RAB3C: variants seen among roughly 807,000 people sequenced by gnomAD.
RAB3C encodes RAB3C, member RAS oncogene family.
A neutral mutation model predicts 26.4 loss-of-function variants in RAB3C; 17 were observed. The ratio of observed to expected loss-of-function variants is 0.64; its 90% CI spans 0.44 to 0.97. RAB3C has a LOEUF of 0.97. Ranked by LOEUF, RAB3C falls within the 50% of genes least tolerant of loss-of-function variation. RAB3C has a pLI of 0.00. For missense variants in RAB3C, 242 were observed against 281.9 expected (o/e 0.86, Z 1.01); for synonymous variants, 91 against 95.9 (o/e 0.95, Z 0.30).
chr5:58,749,888 A>G (rs1741484735), intron 3 of RAB3C, among the ~76,000 whole-genome samples: 1 of 152,192 alleles, frequency 6.6e-6, no homozygotes, highest in Admixed American at 6.5e-5. Flanking sequence ...AAGTTTGAGA[A>G]TGTTTTTGAA....
At position 58,693,266 on chromosome 5, in the gene RAB3C, T is replaced by A. The variant is rs866645730; in HGVS notation, c.253-32736T>A. ...TTATATAAATTTAATTATATAAATA[T>A]AATTAAGATAAAGTTATAATTATAT... On this transcript the variant is annotated intron_variant, in intron 2 of 4. Coordinates refer to ENST00000282878, the MANE Select transcript of RAB3C (RefSeq NM_138453.4). 1.7e-3 allele frequency among the ~76,000 whole-genome samples: 251 copies of A among 143,818 alleles called. 1 individual carries two copies. The highest frequency in any genetic ancestry group is 5.8e-3 in the African/African-American group (227 of 39,004). The allele number at this position is 143,818 out of a possible 152,430, so 94.4% of individuals were successfully genotyped here.
chr5:58,651,775 T>G (rs913584179), intron 2 of RAB3C, among the ~76,000 whole-genome samples: 2 of 152,202 alleles, frequency 1.3e-5, no homozygotes, highest in East Asian at 3.8e-4. Context: ...CACTGAGGAC[T>G]GGTTCCAGGA....
chr5:58,641,066 A>G (rs989946710), intron 2 of RAB3C, among the ~76,000 whole-genome samples: 1 of 152,208 alleles, frequency 6.6e-6, no homozygotes, highest in African/African-American at 2.4e-5. Flanking sequence ...TCTCTCCTGC[A>G]GGCTGACTGT....
chr5:58,660,747 G>A (rs1747887513), intron 2 of RAB3C, among the ~76,000 whole-genome samples: 1 of 150,212 alleles, frequency 6.7e-6, no homozygotes, highest in African/African-American at 2.5e-5. Context: ...GAAGCTCAAG[G>A]CTGCAGGCTA....
intron 3 of RAB3C, among the ~76,000 whole-genome samples, chr5:58,807,852 A>G (rs1201710590): frequency 6.6e-6 from 1 of 152,176 alleles, no homozygotes; most frequent in Non-Finnish European, 1.5e-5. Context: ...GAAGAAATAT[A>G]GTAAATGTAG....
chr5:58,805,729 G>T (rs1328963554), intron 3 of RAB3C, among the ~76,000 whole-genome samples: 1 of 152,216 alleles, frequency 6.6e-6, no homozygotes, highest in East Asian at 1.9e-4. Context: ...AAAAGCAGAG[G>T]AGTAGCATGA....
intron 3 of RAB3C, among the ~76,000 whole-genome samples, chr5:58,808,745 G>T (rs1219751256): frequency 6.6e-6 from 1 of 152,114 alleles, no homozygotes; most frequent in Non-Finnish European, 1.5e-5. Flanking sequence ...CTACGTGGTG[G>T]ATGCTCTTTC....
At chr5:58,685,791 G>A (rs778800881) in intron 2 of RAB3C, among the ~76,000 whole-genome samples, 6 of 152,110 alleles carry the variant, frequency 3.9e-5, no homozygotes, top group East Asian at 1.9e-4. Context: ...ACTAAGTTCC[G>A]TGTTCTCTAA....
chr5:58,673,921 A>G (rs1425887689), intron 2 of RAB3C, among the ~76,000 whole-genome samples: 1 of 152,206 alleles, frequency 6.6e-6, no homozygotes, highest in Admixed American at 6.5e-5. Context: ...CACATAAGAA[A>G]CATAGAGAAA....
chr5:58,802,121 T>C (rs1279120099), intron 3 of RAB3C, among the ~76,000 whole-genome samples: 1 of 152,102 alleles, frequency 6.6e-6, no homozygotes, highest in East Asian at 1.9e-4. Flanking sequence ...TTTTTTTTAA[T>C]CTAAAGCATG....
chr5:58,791,739 T>C (rs1466728466), intron 3 of RAB3C, among the ~76,000 whole-genome samples: 1 of 152,240 alleles, frequency 6.6e-6, no homozygotes, highest in Non-Finnish European at 1.5e-5. Context: ...AGCAGGTCTC[T>C]ACCATCAGGT....
chr5:58,729,492 A>AT (rs1260344266), intron 3 of RAB3C, among the ~76,000 whole-genome samples: 10 of 151,742 alleles, frequency 6.6e-5, no homozygotes, highest in Admixed American at 2.6e-4. Flanking sequence ...ATATAAGTGG[A>AT]ATCATGCAGT....
chr5:58,759,702 G>A (rs935560214), intron 3 of RAB3C, among the ~76,000 whole-genome samples: 27 of 152,108 alleles, frequency 1.8e-4, no homozygotes, highest in African/African-American at 6.3e-4. Context: ...CCTTTAACTA[G>A]ATGAGTTGTA....
chr5:58,606,609 C>T (rs1037152260), intron 1 of RAB3C, among the ~76,000 whole-genome samples: 3 of 152,160 alleles, frequency 2.0e-5, no homozygotes, highest in African/African-American at 4.8e-5. Flanking sequence ...CCCTGAGCCC[C>T]ATGTAGCCTA....
At chr5:58,795,914 TGGTTAA>T (rs1742637166) in intron 3 of RAB3C, among the ~76,000 whole-genome samples, 2 of 152,300 alleles carry the variant, frequency 1.3e-5, no homozygotes, top group South Asian at 4.1e-4. Context: ...GAGTGAAACA[TGGTTAA>T]GGTTAACAGC....
chr5:58,705,006 A>C (rs781517325), intron 2 of RAB3C, among the ~76,000 whole-genome samples: 10 of 152,172 alleles, frequency 6.6e-5, no homozygotes, highest in Non-Finnish European at 1.3e-4. Flanking sequence ...TGATAATGCA[A>C]TGTTATATTC....
chr5:58,626,300 A>G (rs1174190703), intron 2 of RAB3C, among the ~76,000 whole-genome samples: 1 of 152,194 alleles, frequency 6.6e-6, no homozygotes, highest in African/African-American at 2.4e-5. Flanking sequence ...TTAAATTAGT[A>G]TGCATGAGCT....
chr5:58,728,730 C>T (rs1740940925), intron 3 of RAB3C, among the ~76,000 whole-genome samples: 1 of 151,996 alleles, frequency 6.6e-6, no homozygotes, highest in Non-Finnish European at 1.5e-5. Flanking sequence ...TTTTTCAAGG[C>T]TCCACAGGTG....
Position 58,584,554 on chromosome 5 carries a change from A to T in RAB3C, c.24+1322A>T, listed in dbSNP as rs189926254. On this transcript the variant is annotated intron_variant, in intron 1 of 4. Coordinates refer to ENST00000282878, the MANE Select transcript of RAB3C (RefSeq NM_138453.4). The stretch of plus-strand genomic sequence containing the variant: ...TGCAATCAAGATATATTGGTTTATG[A>T]TAATTTTCTATTACTGGAGATACTA... Among the ~76,000 whole-genome samples, 10 of 152,282 alleles carry T rather than the reference A, an allele frequency of 6.6e-5. No individual in the cohort carries two copies. In the East Asian group the frequency reaches 1.9e-3, roughly 29 times the overall value.
Sources: gnomAD v4.1 joint callset for allele counts (sites outside exome capture counted in the v4.1 genomes callset) on GRCh38, gnomAD v4.1.1 for gene constraint, MANE v1.5 for transcripts, NCBI Gene and HGNC (gene_info 2026-07-23, HGNC 2026-07-21) for gene names.